Variants in RUVBL2 observed in about 807,000 individuals in gnomAD.
RUVBL2 encodes the protein ruvB-like 2.
RUVBL2 carries 9 observed loss-of-function variants against 57.9 expected under a neutral mutation model. The ratio of observed to expected loss-of-function variants is 0.16; its 90% CI spans 0.09 to 0.27. The LOEUF is 0.27. Among genes scored for constraint, RUVBL2 ranks in the 10% least tolerant of loss-of-function variants. The probability of loss-of-function intolerance (pLI) is 1.00; values close to 1 mark genes in which losing one functional copy is unlikely to be tolerated. For missense variants in RUVBL2, 456 were observed against 669.6 expected (o/e 0.68, Z 3.52); for synonymous variants, 278 against 264.6 (o/e 1.05, Z -0.49).
At position 49,015,129 on chromosome 19, in the gene RUVBL2, C is replaced by T. The variant is rs1568644646; in HGVS notation, c.1230C>T (p.Ser410=). The T allele has an allele frequency of 6.2e-7, 1 of 1,609,426 alleles. No homozygotes were observed. The highest frequency in any genetic ancestry group is 8.5e-7 in the Non-Finnish European group (1 of 1,178,238). ...CCATCCAGCTCATCACAGCTGCCAG[C>T]TTGGTGTGCCGGAAACGCAAGGTCA... ...RYAIQLITAA[S]LVCRKRKGTE... is the part of the protein sequence containing the mutation. Residue 410 remains serine, a synonymous_variant, in exon 13 of 15, where the codon AGC becomes AGT. Transcript: ENST00000595090.
chr19:48,997,745 G>A (rs2039091286), intron 1 of RUVBL2, among the ~76,000 whole-genome samples: 1 of 152,038 alleles, frequency 6.6e-6, no homozygotes, highest in South Asian at 2.1e-4. Context: ...ATGGACATGT[G>A]GGTTGTTTCT....
intron 6 of RUVBL2, 121 bp downstream of exon 6, chr19:49,007,489 C>T (rs2122621342): frequency 1.2e-6 from 1 of 825,184 alleles, no homozygotes; most frequent in South Asian, 1.9e-5. Flanking sequence ...CAGACTAGAG[C>T]CATGTACATG....
At position 48,999,715 on chromosome 19, in the gene RUVBL2, G is replaced by A. The variant is rs142184178; in HGVS notation, c.67+342G>A. On this transcript the variant is annotated intron_variant, in intron 2 of 14. Transcript: ENST00000595090. ...GGGTGAGTTCCCTGAGGGCAGGGAC[G>A]AGGTCGTGTCATTCCTAGCTGTGTC... Among the ~76,000 whole-genome samples, 154 of 152,268 alleles carry A rather than the reference G, an allele frequency of 1.0e-3. 2 individuals are homozygous for A. The East Asian group carries it at 0.027, about 27-fold the overall frequency.
Position 49,015,044 on chromosome 19 carries a change from T to C in RUVBL2, c.1145T>C (p.Met382Thr). 1 of 1,606,152 alleles carries C rather than the reference T, an allele frequency of 6.2e-7. No individual in the cohort carries two copies. The highest frequency in any genetic ancestry group is 8.5e-7 in the Non-Finnish European group (1 of 1,176,486). Residue 382 changes from methionine (M) to threonine (T), a missense_variant, in exon 13 of 15, where the codon ATG becomes ACG. This residue lies in a region of RUVBL2 where 130 missense variants were observed against 243.0 expected (regional missense o/e 0.53). Transcript: ENST00000595090. ...AGGTGCGAGGAAGAAGATGTGGAGATGAGTGAGGACGCCTACACGGTGCTG... is the reference window on the plus strand; with the variant it reads ...AGGTGCGAGGAAGAAGATGTGGAGACGAGTGAGGACGCCTACACGGTGCTG... Reference protein sequence around the residue: ...RIRCEEEDVEMSEDAYTVLTR... With the variant: ...RIRCEEEDVETSEDAYTVLTR...
intron 3 of RUVBL2, among the ~76,000 whole-genome samples, 188 bp downstream of exon 3, chr19:49,003,522 A>G (rs968163197): frequency 3.3e-5 from 5 of 152,130 alleles, no homozygotes; most frequent in Non-Finnish European, 7.4e-5. Context: ...GTGGTGGCTC[A>G]TGCCTGTAAT....
chr19:49,014,910 C>A, intron 12 of RUVBL2, 111 bp from the exon 13 acceptor site: 1 of 1,385,454 alleles, frequency 7.2e-7, no homozygotes, highest in Non-Finnish European at 9.8e-7. Flanking sequence ...TTCTAAGATG[C>A]AGGCGCCACA....
Position 49,010,482 on chromosome 19 carries a change from C to CCCACCCCCA in RUVBL2, c.664-5_664-4insCACCCCCAC. The CCCACCCCCA allele has an allele frequency of 6.2e-7, 1 of 1,605,474 alleles. No homozygotes were observed. The highest frequency in any genetic ancestry group is 8.5e-7 in the Non-Finnish European group (1 of 1,173,108). On this transcript the variant is annotated splice_polypyrimidine_tract_variant and splice_region_variant and intron_variant, in intron 8 of 14. Transcript: ENST00000595090. Reference sequence around the variant, plus strand: ...CCGCCGTTCTTCCCCCACCCCCGCCCCATAGACCAAGTTCGTGCAGTGCCC... The same window carrying CCCACCCCCA: ...CCGCCGTTCTTCCCCCACCCCCGCCCCCACCCCCACATAGACCAAGTTCGTGCAGTGCCC...
chr19:49,000,947 A>T (rs2039166799), intron 2 of RUVBL2, among the ~76,000 whole-genome samples: 1 of 152,004 alleles, frequency 6.6e-6, no homozygotes, highest in Non-Finnish European at 1.5e-5. Context: ...TGCTTGAATC[A>T]GGAGTTCAAG....
intron 2 of RUVBL2, among the ~76,000 whole-genome samples, chr19:49,002,939 G>A (rs1019207116): frequency 1.3e-5 from 2 of 152,180 alleles, no homozygotes; most frequent in African/African-American, 4.8e-5. Flanking sequence ...GAACATGTGG[G>A]TGCTGTGTAA....
In RUVBL2 at chr19:49,009,892, C is replaced by T; in HGVS notation, c.569+10C>T. On this transcript the variant is annotated intron_variant, in intron 7 of 14. Transcript: ENST00000595090. ...ACAAGGTCCAGGCCGGGTGAGCAGT[C>T]AGGGGCCATGCCAGGCAGCCAGGGG... 2 of 1,613,754 alleles carry T rather than the reference C, an allele frequency of 1.2e-6. No individual in the cohort carries two copies. The highest frequency in any genetic ancestry group is 2.2e-5 in the South Asian group (2 of 91,072).
Position 49,010,929 on chromosome 19 carries a change from C to T in RUVBL2, c.788-70C>T. ...CATCCCTGGCATCATCCTTCTCTGTCTTAGCCACACTCTGGCCCTGGAACC... is the reference window on the plus strand; with the variant it reads ...CATCCCTGGCATCATCCTTCTCTGTTTTAGCCACACTCTGGCCCTGGAACC... On this transcript the variant is annotated intron_variant, in intron 9 of 14. Coordinates refer to ENST00000595090, the MANE Select transcript of RUVBL2 (RefSeq NM_006666.3). The T allele has an allele frequency of 5.9e-6, 8 of 1,358,890 alleles. No individual in the cohort carries two copies. In the South Asian group the frequency reaches 9.9e-5, roughly 17 times the overall value. The allele number at this position is 1,358,890 out of a possible 1,614,324, so 84.2% of individuals were successfully genotyped here.
chr19:49,007,271 G>C, intron 5 of RUVBL2, 31 bp from the exon 6 acceptor site: 1 of 1,610,932 alleles, frequency 6.2e-7, no homozygotes, highest in South Asian at 1.1e-5. Context: ...CCAGGTGTCA[G>C]GCTGTCTCCT....
intron 3 of RUVBL2, 116 bp downstream of exon 3, chr19:49,003,450 A>G (rs2122603542): frequency 7.8e-6 from 7 of 902,992 alleles, no homozygotes; most frequent in Non-Finnish European, 1.2e-5. Flanking sequence ...CTTTGGCTAC[A>G]TACCCATAAA....
At chr19:49,005,731 G>A (rs2039270409) in intron 4 of RUVBL2, among the ~76,000 whole-genome samples, 1 of 151,870 alleles carries the variant, frequency 6.6e-6, no homozygotes, top group African/African-American at 2.4e-5. Flanking sequence ...TGCCTCCTGG[G>A]TTCAAGTGAT....
chr19:48,999,506 C>A, intron 2 of RUVBL2, 133 bp downstream of exon 2: 1 of 868,582 alleles, frequency 1.2e-6, no homozygotes, highest in African/African-American at 1.7e-5. Flanking sequence ...TACCATTCCC[C>A]CACTCGCCCT....
chr19:49,003,986 C>T (rs2039233098), intron 3 of RUVBL2, among the ~76,000 whole-genome samples: 1 of 151,552 alleles, frequency 6.6e-6, no homozygotes, highest in Non-Finnish European at 1.5e-5. Flanking sequence ...CATGGTGGTG[C>T]ACATTTGTGG....
chr19:48,995,765 C>T (rs1296501814), intron 1 of RUVBL2, among the ~76,000 whole-genome samples: 1 of 151,816 alleles, frequency 6.6e-6, no homozygotes, highest in Non-Finnish European at 1.5e-5. Flanking sequence ...GCGGGCAGGT[C>T]ATGAGGTCAG....
At chr19:48,996,653 G>A (rs971284679) in intron 1 of RUVBL2, among the ~76,000 whole-genome samples, 4 of 152,064 alleles carry the variant, frequency 2.6e-5, no homozygotes, top group Admixed American at 1.3e-4. Flanking sequence ...AGCCTCCCAA[G>A]TACCTGGGAT....
At chr19:49,007,208 G>A (rs372547039) in intron 5 of RUVBL2, 61 bp downstream of exon 5, 35 of 1,608,390 alleles carry the variant, frequency 2.2e-5, no homozygotes, top group South Asian at 9.9e-5. Context: ...CCCGCACCCC[G>A]GGCGGCTCGT....
Sources: allele counts gnomAD v4.1 joint callset (sites outside exome capture counted in the v4.1 genomes callset), GRCh38; gene constraint gnomAD v4.1.1; regional missense constraint gnomAD v4.1.1; transcripts MANE v1.5; gene names NCBI Gene and HGNC (gene_info 2026-07-23, HGNC 2026-07-21).